PDE7B: variants seen among roughly 807,000 people sequenced by gnomAD.
The protein encoded by PDE7B is phosphodiesterase 7B.
Under a neutral mutation model 56.2 loss-of-function variants are expected in PDE7B, and 29 were observed. The ratio of observed to expected loss-of-function variants is 0.52; its 90% CI spans 0.38 to 0.70. The LOEUF is 0.70. Among genes scored for constraint, PDE7B ranks in the 30% least tolerant of loss-of-function variants. The pLI, the probability that PDE7B is intolerant of heterozygous loss-of-function variation, is 0.00. For synonymous variants in PDE7B, 197 were observed against 196.9 expected (o/e 1.00, Z 0.00); for missense variants, 490 against 565.0 (o/e 0.87, Z 1.35).
At chr6:135,891,630 T>C (rs1430737054) in intron 1 of PDE7B, among the ~76,000 whole-genome samples, 2 of 152,206 alleles carry the variant, frequency 1.3e-5, no homozygotes, top group Non-Finnish European at 2.9e-5. Flanking sequence ...AAATGTGCAT[T>C]CTCAGGCTCC....
chr6:136,021,610 C>G (rs1000348945), intron 2 of PDE7B, among the ~76,000 whole-genome samples: 1 of 151,128 alleles, frequency 6.6e-6, no homozygotes, highest in African/African-American at 2.4e-5. Flanking sequence ...CACCACTGCA[C>G]TCCAGTCTGG....
intron 3 of PDE7B, among the ~76,000 whole-genome samples, chr6:136,142,062 G>T (rs1778336002): frequency 6.6e-6 from 1 of 152,118 alleles, no homozygotes; most frequent in Non-Finnish European, 1.5e-5. Context: ...ATCAGTTTTA[G>T]ATCTTTCCTG....
chr6:136,009,460 C>T (rs540078752), intron 2 of PDE7B, among the ~76,000 whole-genome samples: 1 of 152,000 alleles, frequency 6.6e-6, no homozygotes, highest in African/African-American at 2.4e-5. Flanking sequence ...ATTCTTCCTA[C>T]TCATGAGCAT....
chr6:136,113,139 G>A (rs1777775279), intron 3 of PDE7B, among the ~76,000 whole-genome samples: 1 of 152,168 alleles, frequency 6.6e-6, no homozygotes, highest in South Asian at 2.1e-4. Flanking sequence ...ATTGCTAACA[G>A]AGTAGGTTTT....
intron 8 of PDE7B, among the ~76,000 whole-genome samples, chr6:136,168,355 G>T (rs890853630): frequency 6.6e-6 from 1 of 152,098 alleles, no homozygotes; most frequent in African/African-American, 2.4e-5. Context: ...GATCCGTTGT[G>T]GGGTTTGGAA....
intron 8 of PDE7B, among the ~76,000 whole-genome samples, chr6:136,160,841 G>A (rs1005371035): frequency 3.3e-5 from 5 of 152,002 alleles, no homozygotes; most frequent in Admixed American, 1.3e-4. Flanking sequence ...TATCCATTCA[G>A]CAGATACATA....
intron 2 of PDE7B, among the ~76,000 whole-genome samples, chr6:136,071,860 C>A (rs1333017636): frequency 6.6e-6 from 1 of 152,158 alleles, no homozygotes; most frequent in Non-Finnish European, 1.5e-5. Context: ...TATAACAATG[C>A]CTAACAAGGT....
At chr6:135,998,782 A>C (rs1199611384) in intron 2 of PDE7B, among the ~76,000 whole-genome samples, 1 of 94,962 alleles carries the variant, frequency 1.1e-5, no homozygotes, top group East Asian at 2.3e-4. Context: ...AAAAATAAAC[A>C]AAAAAAAAAC....
At chr6:135,883,108 C>T (rs1167593327) in intron 1 of PDE7B, among the ~76,000 whole-genome samples, 1 of 152,142 alleles carries the variant, frequency 6.6e-6, no homozygotes, top group African/African-American at 2.4e-5. Flanking sequence ...TCCATTTGGT[C>T]AAGTTTTCTC....
chr6:136,024,953 A>G (rs1332530283), intron 2 of PDE7B, among the ~76,000 whole-genome samples: 1 of 152,160 alleles, frequency 6.6e-6, no homozygotes, highest in Non-Finnish European at 1.5e-5. Flanking sequence ...TTCTACGACC[A>G]ATCTGTTTTA....
chr6:136,141,730 C>G (rs184690706), intron 3 of PDE7B, among the ~76,000 whole-genome samples: 3 of 152,160 alleles, frequency 2.0e-5, no homozygotes, highest in Non-Finnish European at 4.4e-5. Flanking sequence ...TCCATTTCTT[C>G]TAGATTTTCT....
rs190511028 is a variant in PDE7B at position 136,146,921 on chromosome 6, C to T, written c.167-430C>T. ...GGTGCAGTGGCTCTCTCCTATAATCCCAGCACTTTGGGAGGCTCAAGACGA... is the reference window on the plus strand; with the variant it reads ...GGTGCAGTGGCTCTCTCCTATAATCTCAGCACTTTGGGAGGCTCAAGACGA... On this transcript the variant is annotated intron_variant, in intron 3 of 12. Transcript: ENST00000308191. Among the ~76,000 whole-genome samples, 739 of 152,118 alleles carry T rather than the reference C, an allele frequency of 4.9e-3. 26 individuals are homozygous for T. The highest frequency in any genetic ancestry group is 0.043 in the Admixed American group (656 of 15,270).
At chr6:135,910,361 C>T (rs1776191213) in intron 1 of PDE7B, among the ~76,000 whole-genome samples, 1 of 152,268 alleles carries the variant, frequency 6.6e-6, no homozygotes, top group East Asian at 1.9e-4. Context: ...GTCAGTAACA[C>T]CGAGGTTATA....
chr6:136,106,125 T>C (rs1474853948), intron 2 of PDE7B, among the ~76,000 whole-genome samples: 3 of 152,134 alleles, frequency 2.0e-5, no homozygotes, highest in Non-Finnish European at 4.4e-5. Flanking sequence ...AAGGAGCCCA[T>C]GAGATTACAG....
At chr6:135,962,762 A>G (rs1257366419) in intron 2 of PDE7B, among the ~76,000 whole-genome samples, 5 of 152,176 alleles carry the variant, frequency 3.3e-5, no homozygotes, top group African/African-American at 1.2e-4. Flanking sequence ...GAGTTGAGTC[A>G]GGGCTTTTAT....
chr6:135,924,617 C>CTCTTTTT (rs757490280), intron 1 of PDE7B, among the ~76,000 whole-genome samples: 13 of 49,580 alleles, frequency 2.6e-4, no homozygotes, highest in East Asian at 1.6e-3. Context: ...CTCTCTCTCT[C>CTCTTTTT]TTTTTTTTTT....
chr6:135,928,452 T>TA (rs1774229303), intron 1 of PDE7B, among the ~76,000 whole-genome samples: 2 of 100,372 alleles, frequency 2.0e-5, no homozygotes, highest in African/African-American at 7.6e-5. Flanking sequence ...TATATATTTA[T>TA]TTATATATAT....
chr6:135,996,344 T>C (rs4896191), intron 2 of PDE7B, among the ~76,000 whole-genome samples: 43,560 of 152,152 alleles, frequency 0.29, 7,618 homozygotes, highest in East Asian at 0.45. Flanking sequence ...ACAAATATGT[T>C]TGAGCTAAAA....
chr6:136,129,778 T>C (rs1778084797), intron 3 of PDE7B, among the ~76,000 whole-genome samples: 1 of 152,252 alleles, frequency 6.6e-6, no homozygotes, highest in Non-Finnish European at 1.5e-5. Flanking sequence ...TCTAAAATGC[T>C]AGGTCTCCAC....
Sources: gnomAD v4.1 joint callset for allele counts (sites outside exome capture counted in the v4.1 genomes callset) on GRCh38, gnomAD v4.1.1 for gene constraint, MANE v1.5 for transcripts, NCBI Gene and HGNC (gene_info 2026-07-23, HGNC 2026-07-21) for gene names.